PACSIN2: variants seen among roughly 807,000 people sequenced by gnomAD.
The protein encoded by PACSIN2 is protein kinase C and casein kinase substrate in neurons protein 2.
In PACSIN2, 25 loss-of-function variants were observed where a neutral mutation model predicts 63.8. The observed-to-expected ratio is 0.39, with a 90% CI of 0.29 to 0.55. The LOEUF is 0.55. PACSIN2 is among the 20% of genes least tolerant of loss of function. PACSIN2 has a pLI of 0.62. For missense variants in PACSIN2, 518 were observed against 646.9 expected (o/e 0.80, Z 2.16); for synonymous variants, 255 against 256.2 (o/e 1.00, Z 0.05).
chr22:42,886,981 G>GC (rs1256533694), intron 5 of PACSIN2, among the ~76,000 whole-genome samples: 2 of 152,142 alleles, frequency 1.3e-5, no homozygotes, highest in African/African-American at 4.8e-5. Context: ...ACACAGGCAC[G>GC]CCCCCGCCCA....
intron 1 of PACSIN2, among the ~76,000 whole-genome samples, chr22:43,011,677 G>T (rs141299384): frequency 6.6e-6 from 1 of 152,302 alleles, no homozygotes; most frequent in African/African-American, 2.4e-5. Context: ...AGGAGTTCCA[G>T]ATCAGCCTGG....
rs373143735 is a variant in PACSIN2, at chr22:42,910,908, A to C, written c.60+1113T>G. ...CACTACAGGTACTCAGTTAACACATAATTTTTTTTTTTTTGAGACGGAGTC... is the reference window on the plus strand; with the variant it reads ...CACTACAGGTACTCAGTTAACACATCATTTTTTTTTTTTTGAGACGGAGTC... On this transcript the variant is annotated intron_variant, in intron 2 of 10. Coordinates refer to ENST00000263246, the MANE Select transcript of PACSIN2 (RefSeq NM_001184970.3). 5.4e-3 allele frequency among the ~76,000 whole-genome samples: 709 copies of C among 130,202 alleles called. 4 individuals are homozygous for C. The highest frequency in any genetic ancestry group is 0.023 in the African/African-American group (692 of 30,126). 85.4% of individuals were successfully genotyped at this position (130,202 alleles called of 152,430 possible).
rs117240832 is a variant in PACSIN2 at position 42,940,382 on chromosome 22, G to C, written c.-77-28225C>G. Among the ~76,000 whole-genome samples the C allele has an allele frequency of 7.4e-3, 1,120 of 152,338 alleles. 9 individuals carry two copies. The highest frequency in any genetic ancestry group is 0.024 in the Middle Eastern group (7 of 294). On this transcript the variant is annotated intron_variant, in intron 1 of 10. Coordinates refer to ENST00000263246, the MANE Select transcript of PACSIN2 (RefSeq NM_001184970.3). ...AGACGCTGTGCAAAGCAGGGGGTCA[G>C]CATGTGTTTGCTGAATGAGTAACAC...
intron 1 of PACSIN2, among the ~76,000 whole-genome samples, chr22:42,962,295 A>G (rs772276597): frequency 3.3e-5 from 5 of 152,152 alleles, no homozygotes; most frequent in Admixed American, 6.5e-5. Flanking sequence ...GCTGCTCAAT[A>G]AACATTTACA....
rs116071422 is a variant in PACSIN2 at position 42,950,644 on chromosome 22, G to A, written c.-77-38487C>T. On this transcript the variant is annotated intron_variant, in intron 1 of 10. Coordinates refer to ENST00000263246, the MANE Select transcript of PACSIN2 (RefSeq NM_001184970.3). Reference sequence around the variant, plus strand: ...AAGTTAGCTTACAGTAACATTCAACGCCATAAGTAGCATTCTTACGTCTAA... The same window carrying A: ...AAGTTAGCTTACAGTAACATTCAACACCATAAGTAGCATTCTTACGTCTAA... Among the ~76,000 whole-genome samples the A allele has an allele frequency of 7.4e-3, 1,132 of 152,282 alleles. 21 individuals are homozygous for A. Among genetic ancestry groups the A allele is most frequent in the African/African-American group, 0.027 (1,108 of 41,544 alleles).
chr22:42,879,347 T>C (rs1928901108), intron 7 of PACSIN2, among the ~76,000 whole-genome samples, 178 bp from the exon 8 acceptor site: 1 of 152,214 alleles, frequency 6.6e-6, no homozygotes, highest in South Asian at 2.1e-4. Context: ...GCCCCACTTA[T>C]GAACCCAAAC....
intron 1 of PACSIN2, among the ~76,000 whole-genome samples, chr22:43,001,094 A>T (rs1009011145): frequency 6.6e-6 from 1 of 152,238 alleles, no homozygotes; most frequent in African/African-American, 2.4e-5. Flanking sequence ...GTTACCAAAA[A>T]TCCAGTCTCG....
intron 1 of PACSIN2, among the ~76,000 whole-genome samples, chr22:43,007,495 C>T (rs1485520813): frequency 1.3e-5 from 2 of 152,108 alleles, no homozygotes; most frequent in Non-Finnish European, 2.9e-5. Context: ...GGATTACAGG[C>T]GTGACCCCTC....
At chr22:42,882,466 G>A (rs1330369577) in intron 6 of PACSIN2, among the ~76,000 whole-genome samples, 162 bp from the exon 7 acceptor site, 2 of 152,140 alleles carry the variant, frequency 1.3e-5, no homozygotes, top group Non-Finnish European at 2.9e-5. Flanking sequence ...GGAAGGTCAC[G>A]GGCCGCCACG....
chr22:42,995,685 C>T (rs889203125), intron 1 of PACSIN2, among the ~76,000 whole-genome samples: 4 of 152,210 alleles, frequency 2.6e-5, no homozygotes, highest in Admixed American at 6.5e-5. Context: ...TTGGTAACTT[C>T]AAGTGCCTAT....
chr22:43,004,378 C>A (rs1388927202), intron 1 of PACSIN2, among the ~76,000 whole-genome samples: 1 of 152,224 alleles, frequency 6.6e-6, no homozygotes, highest in Non-Finnish European at 1.5e-5. Flanking sequence ...CACGCACATC[C>A]TCCTTGGTGG....
chr22:42,874,851 G>GTTTT (rs1928467425), intron 10 of PACSIN2, among the ~76,000 whole-genome samples: 1 of 108,852 alleles, frequency 9.2e-6, no homozygotes, highest in Non-Finnish European at 2.1e-5. Context: ...TTGGGCATCC[G>GTTTT]CTTTTTTTTT....
At chr22:42,983,193 T>A (rs899189475) in intron 1 of PACSIN2, among the ~76,000 whole-genome samples, 1 of 151,902 alleles carries the variant, frequency 6.6e-6, no homozygotes, top group African/African-American at 2.4e-5. Context: ...GACGCACACC[T>A]GTAGTCTCAG....
At chr22:42,995,443 C>T (rs946536801) in intron 1 of PACSIN2, among the ~76,000 whole-genome samples, 2 of 152,070 alleles carry the variant, frequency 1.3e-5, no homozygotes, top group African/African-American at 2.4e-5. Flanking sequence ...TTGCACCCTC[C>T]GTCCACTGAG....
chr22:42,916,403 G>A (rs984605363), intron 1 of PACSIN2, among the ~76,000 whole-genome samples: 1 of 151,100 alleles, frequency 6.6e-6, no homozygotes, highest in East Asian at 1.9e-4. Context: ...AACCTGGGGT[G>A]GGGGTGGGGA....
chr22:42,986,460 C>A (rs1368126100), intron 1 of PACSIN2, among the ~76,000 whole-genome samples: 1 of 152,184 alleles, frequency 6.6e-6, no homozygotes, highest in African/African-American at 2.4e-5. Context: ...ACAACCCCTT[C>A]CCAGCATGGC....
At chr22:42,977,121 G>A (rs1173889667) in intron 1 of PACSIN2, among the ~76,000 whole-genome samples, 2 of 152,108 alleles carry the variant, frequency 1.3e-5, no homozygotes, top group East Asian at 1.9e-4. Flanking sequence ...ATATGAGACT[G>A]ATCTGTAATT....
chr22:42,944,928 T>A (rs1163846929), intron 1 of PACSIN2, among the ~76,000 whole-genome samples: 1 of 152,090 alleles, frequency 6.6e-6, no homozygotes, highest in African/African-American at 2.4e-5. Flanking sequence ...TGAAACCCTA[T>A]GTCTACTAAA....
At chr22:42,952,540 T>G (rs1933740869) in intron 1 of PACSIN2, among the ~76,000 whole-genome samples, 2 of 151,930 alleles carry the variant, frequency 1.3e-5, no homozygotes, top group Admixed American at 1.3e-4. Flanking sequence ...TTTTGTATTT[T>G]TAGTAGAGAC....
Sources: allele counts gnomAD v4.1 joint callset (sites outside exome capture counted in the v4.1 genomes callset), GRCh38; gene constraint gnomAD v4.1.1; transcripts MANE v1.5; gene names NCBI Gene and HGNC (gene_info 2026-07-23, HGNC 2026-07-21).